Variants in ARCN1 observed in about 807,000 individuals in gnomAD.
The protein encoded by ARCN1 is archain 1 coat protein complex I subunit delta, also known as coatomer subunit delta.
A neutral mutation model predicts 60.4 loss-of-function variants in ARCN1; 5 were observed. That is an observed-to-expected ratio of 0.08 (90% CI 0.04 to 0.17). ARCN1 has a LOEUF of 0.17. Among genes scored for constraint, ARCN1 ranks in the 10% least tolerant of loss-of-function variants. ARCN1 has a pLI of 1.00. For missense variants in ARCN1, 464 were observed against 626.5 expected (o/e 0.74, Z 2.77); for synonymous variants, 224 against 220.0 (o/e 1.02, Z -0.16).
chr11:118,598,858 A>C (rs1439178411), intron 9 of ARCN1, among the ~76,000 whole-genome samples: 1 of 149,464 alleles, frequency 6.7e-6, no homozygotes, highest in Non-Finnish European at 1.5e-5. Context: ...GTGCAGTGAC[A>C]TGATCTCGGC....
At chr11:118,582,110 C>G (rs1938668836) in intron 2 of ARCN1, among the ~76,000 whole-genome samples, 1 of 151,946 alleles carries the variant, frequency 6.6e-6, no homozygotes, top group Non-Finnish European at 1.5e-5. Flanking sequence ...AGGCATTATA[C>G]TTTAGTGTGG....
At chr11:118,579,554 G>A (rs1477948057) in intron 1 of ARCN1, among the ~76,000 whole-genome samples, 2 of 151,516 alleles carry the variant, frequency 1.3e-5, no homozygotes, top group African/African-American at 2.4e-5. Flanking sequence ...CGGGCGTGGT[G>A]GCAGGCGCCT....
intron 1 of ARCN1, among the ~76,000 whole-genome samples, chr11:118,579,455 C>T (rs1360902291): frequency 6.6e-6 from 1 of 150,962 alleles, no homozygotes; most frequent in African/African-American, 2.4e-5. Context: ...GCAGATCACC[C>T]GAGGTCAGGC....
At chr11:118,589,452 CAG>C (rs1938848862) in intron 5 of ARCN1, among the ~76,000 whole-genome samples, 1 of 149,510 alleles carries the variant, frequency 6.7e-6, no homozygotes, top group African/African-American at 2.6e-5. Context: ...TTTTTTGAGA[CAG>C]AGTCTCACTC....
Position 118,572,439 on chromosome 11 carries a change from C to T in ARCN1, c.-109C>T. On this transcript the variant is annotated 5_prime_UTR_variant, in exon 1 of 10. Coordinates refer to ENST00000264028, the MANE Select transcript of ARCN1 (RefSeq NM_001655.5). Reference sequence around the variant, plus strand: ...GGCAAGAGGCGAAGCGGCAGCGGTTCCTGTCAAGGGGGCAGCAGGTCCAGA... The same window carrying T: ...GGCAAGAGGCGAAGCGGCAGCGGTTTCTGTCAAGGGGGCAGCAGGTCCAGA... 8.9e-7 allele frequency: 1 copy of T among 1,126,650 alleles called. No individual in the cohort carries two copies. The highest frequency in any genetic ancestry group is 1.2e-6 in the Non-Finnish European group (1 of 824,190). The allele number at this position is 1,126,650 out of a possible 1,614,324, so 69.8% of individuals were successfully genotyped here.
intron 2 of ARCN1, among the ~76,000 whole-genome samples, chr11:118,582,590 G>A (rs1938682789): frequency 6.6e-6 from 1 of 151,604 alleles, no homozygotes; most frequent in Admixed American, 6.6e-5. Flanking sequence ...AGCTGGGCAT[G>A]GTGGCGGGCA....
At position 118,601,838 on chromosome 11, in the gene ARCN1, G is replaced by C. The variant is rs1466361658; in HGVS notation, c.*1124G>C. ...CTAAAAGAATGGTTATGTCTGTCCA[G>C]TTAGGGATTTCACATCCACATGTAA... On this transcript the variant is annotated 3_prime_UTR_variant, in exon 10 of 10. Transcript: ENST00000264028. The C allele has an allele frequency of 1.6e-6, 1 of 630,320 alleles. No homozygotes were observed. The highest frequency in any genetic ancestry group is 2.9e-6 in the Non-Finnish European group (1 of 348,604). The allele number at this position is 630,320 out of a possible 1,614,324, so 39.0% of individuals were successfully genotyped here.
intron 4 of ARCN1, among the ~76,000 whole-genome samples, chr11:118,584,264 G>C (rs1938727462): frequency 6.6e-6 from 1 of 152,168 alleles, no homozygotes; most frequent in Non-Finnish European, 1.5e-5. Flanking sequence ...CTTATTGTGG[G>C]GAGGAAAGGG....
intron 1 of ARCN1, among the ~76,000 whole-genome samples, chr11:118,576,895 G>A (rs1428825286): frequency 6.6e-6 from 1 of 152,174 alleles, no homozygotes; most frequent in East Asian, 1.9e-4. Context: ...CTGAAAGCCT[G>A]GAATTCTGGC....
In ARCN1 at chr11:118,585,680, C is replaced by T. The variant is rs144914218; in HGVS notation, c.818+1036C>T. On this transcript the variant is annotated intron_variant, in intron 5 of 9. Coordinates refer to ENST00000264028, the MANE Select transcript of ARCN1 (RefSeq NM_001655.5). ...TCAGCCTCCCAAGTAGCTGGGACTA[C>T]AGGCATGCACCACCACGCTGGGCTA... 7.9e-5 allele frequency among the ~76,000 whole-genome samples: 12 copies of T among 152,180 alleles called. No individual in the cohort carries two copies. The East Asian group carries it at 2.3e-3, about 29-fold the overall frequency.
intron 7 of ARCN1, 91 bp downstream of exon 7, chr11:118,592,947 C>G: frequency 7.7e-7 from 1 of 1,302,554 alleles, no homozygotes; most frequent in Non-Finnish European, 1.0e-6. Flanking sequence ...ATTACCATAG[C>G]AAAGTTCTTT....
Position 118,593,617 on chromosome 11 carries a change from A to G in ARCN1, c.1160A>G (p.Asn387Ser), listed in dbSNP as rs1555076674. Residue 387 changes from asparagine (N) to serine (S), a missense_variant, in exon 8 of 10, where the codon AAT (asparagine) becomes AGT (serine). Physicochemically the swap from Asn to Ser is conservative, Grantham distance 46. This residue lies in a region of ARCN1 where 359 missense variants were observed against 440.2 expected (regional missense o/e 0.82). Transcript: ENST00000264028. ...TINCWPSESG[N>S]GCDVNIEYEL... ...AATTGCTGGCCCTCGGAGAGTGGAAATGGCTGTGATGTCAACATAGAATAT... is the reference window on the plus strand; with the variant it reads ...AATTGCTGGCCCTCGGAGAGTGGAAGTGGCTGTGATGTCAACATAGAATAT... 6.2e-7 allele frequency: 1 copy of G among 1,613,498 alleles called. No individual in the cohort carries two copies. Among genetic ancestry groups the G allele is most frequent in the Admixed American group, 1.7e-5 (1 of 60,004 alleles).
chr11:118,572,701 T>C (rs1555072670), intron 1 of ARCN1, 151 bp downstream of exon 1: 2 of 901,202 alleles, frequency 2.2e-6, no homozygotes, highest in East Asian at 5.8e-5. Flanking sequence ...TGTGGCCTCC[T>C]GTGCCCGGTC....
chr11:118,577,621 C>T (rs1402448770), intron 1 of ARCN1, among the ~76,000 whole-genome samples: 3 of 152,136 alleles, frequency 2.0e-5, no homozygotes, highest in Admixed American at 2.0e-4. Context: ...TTTCCACGCA[C>T]TTTATCGGTT....
chr11:118,583,260 G>A lies in ARCN1; in HGVS notation c.349G>A (p.Val117Ile), dbSNP rs1555074929. Reference protein sequence around the residue: ...FDLIFAFDEIVALGYRENVNL... With the variant: ...FDLIFAFDEIIALGYRENVNL... ...TTTGATTTTTGCTTTTGATGAAATTGTCGCACTGGGATACCGGGAGAATGT... is the reference window on the plus strand; with the variant it reads ...TTTGATTTTTGCTTTTGATGAAATTATCGCACTGGGATACCGGGAGAATGT... The change falls in exon 3 of 10, where the codon GTC becomes ATC. Residue 117 changes from valine (V) to isoleucine (I), a missense_variant. By Grantham distance (29) the Val-to-Ile change is conservative. Transcript: ENST00000264028. 1 of 1,614,126 alleles carries A rather than the reference G, an allele frequency of 6.2e-7. No homozygotes were observed. Among genetic ancestry groups the A allele is most frequent in the Admixed American group, 1.7e-5 (1 of 60,014 alleles).
chr11:118,584,356 A>G, intron 4 of ARCN1, 124 bp from the exon 5 acceptor site: 1 of 890,628 alleles, frequency 1.1e-6, no homozygotes, highest in Non-Finnish European at 1.6e-6. Context: ...AATTACCCAA[A>G]ATTATATACA....
At chr11:118,599,476 T>C (rs972015878) in intron 9 of ARCN1, among the ~76,000 whole-genome samples, 1 of 151,600 alleles carries the variant, frequency 6.6e-6, no homozygotes, top group Non-Finnish European at 1.5e-5. Flanking sequence ...TCACCAAGGC[T>C]GGAGTGCAGT....
rs782672438 is a variant in ARCN1, at chr11:118,600,731, C to G, written c.*17C>G. 2 of 1,543,124 alleles carry G rather than the reference C, an allele frequency of 1.3e-6. No individual in the cohort carries two copies. The highest frequency in any genetic ancestry group is 1.8e-6 in the Non-Finnish European group (2 of 1,134,340). On this transcript the variant is annotated 3_prime_UTR_variant, in exon 10 of 10. Transcript: ENST00000264028. ...ATTCTGTAATACCAAGAAGAGGGAG[C>G]TGAAAAGGAAAATTTTCAGATTAAT...
chr11:118,597,743 T>A lies in ARCN1; in HGVS notation c.1278T>A (p.Asp426Glu), dbSNP rs1939059513. 6.2e-7 allele frequency: 1 copy of A among 1,614,102 alleles called. No individual in the cohort carries two copies. The highest frequency in any genetic ancestry group is 1.3e-5 in the African/African-American group (1 of 74,936). ...GVGAPVIGEIDGEYRHDSRRN... is the reference protein window; with the variant it reads ...GVGAPVIGEIEGEYRHDSRRN... ...GCGCGCCTGTTATCGGTGAGATCGATGGGGAGTATCGACATGACAGTCGAC... is the reference window on the plus strand; with the variant it reads ...GCGCGCCTGTTATCGGTGAGATCGAAGGGGAGTATCGACATGACAGTCGAC... The change falls in exon 9 of 10, where the codon GAT becomes GAA. Residue 426 changes from aspartate (D) to glutamate (E), a missense_variant. Around this residue, in one of 2 missense-constraint regions of ARCN1, gnomAD observed 359 missense variants for 440.2 expected, o/e 0.82. Coordinates refer to ENST00000264028, the MANE Select transcript of ARCN1 (RefSeq NM_001655.5).
Sources: gnomAD v4.1 joint callset for allele counts (sites outside exome capture counted in the v4.1 genomes callset) on GRCh38, gnomAD v4.1.1 for gene constraint, gnomAD v4.1.1 regional missense constraint, MANE v1.5 for transcripts, NCBI Gene and HGNC (gene_info 2026-07-23, HGNC 2026-07-21) for gene names.